Variants in STK32B observed in about 807,000 individuals in gnomAD.
STK32B encodes serine/threonine kinase 32B.
STK32B carries 43 observed loss-of-function variants against 52.6 expected under a neutral mutation model. The ratio of observed to expected loss-of-function variants is 0.82; its 90% CI spans 0.64 to 1.05. The LOEUF is 1.05. Among genes scored for constraint, STK32B ranks in the 50% least tolerant of loss-of-function variants. The pLI is 0.00. For missense variants in STK32B, 621 were observed against 534.6 expected (o/e 1.16, Z -1.59); for synonymous variants, 238 against 204.3 (o/e 1.17, Z -1.41).
intron 1 of STK32B, among the ~76,000 whole-genome samples, chr4:5,097,148 T>A (rs188958250): frequency 3.6e-4 from 55 of 152,352 alleles, no homozygotes; most frequent in African/African-American, 1.2e-3. Flanking sequence ...TGTACTTTCT[T>A]GCCCATGGTA....
At chr4:5,236,102 A>C (rs1724614288) in intron 3 of STK32B, among the ~76,000 whole-genome samples, 1 of 152,176 alleles carries the variant, frequency 6.6e-6, no homozygotes, top group Non-Finnish European at 1.5e-5. Context: ...ATTATGGTGC[A>C]TTGGTGGCAG....
chr4:5,460,262 C>G lies in STK32B; in HGVS notation c.909+34C>G, dbSNP rs771723453. 2.5e-6 allele frequency: 4 copies of G among 1,589,612 alleles called. No homozygotes were observed. In the South Asian group the frequency reaches 4.6e-5, roughly 18 times the overall value. ...AAGTCCCACCTGATGTCATGCCACC[C>G]CTCTGCAGGGTCCCCGCCTTGGTGC... On this transcript the variant is annotated intron_variant, in intron 9 of 11. Transcript: ENST00000282908. This position sits in a 1 kb window ranked among gnomAD's most constrained non-coding sequence, Gnocchi z 4.8.
At chr4:5,387,361 T>C (rs2109030964) in intron 4 of STK32B, among the ~76,000 whole-genome samples, 1 of 152,248 alleles carries the variant, frequency 6.6e-6, no homozygotes, top group African/African-American at 2.4e-5. Flanking sequence ...CAGCACCTAC[T>C]GGGAAGGACA....
intron 3 of STK32B, among the ~76,000 whole-genome samples, chr4:5,217,294 T>C (rs948137844): frequency 5.9e-5 from 9 of 152,246 alleles, no homozygotes; most frequent in Non-Finnish European, 1.2e-4. Context: ...ACCACTGACC[T>C]GTAGAACTGA....
upstream of STK32B, among the ~76,000 whole-genome samples, chr4:5,049,812 C>G (rs890919383): frequency 4.6e-5 from 7 of 152,094 alleles, no homozygotes; most frequent in East Asian, 1.9e-4. Context: ...GTCTCAAACT[C>G]TTGACTTCAG....
At chr4:5,073,609 T>C (rs767548916) in intron 1 of STK32B, among the ~76,000 whole-genome samples, 1 of 152,026 alleles carries the variant, frequency 6.6e-6, no homozygotes, top group African/African-American at 2.4e-5. Context: ...TTTTATCATA[T>C]ATCATTTGTC....
intron 1 of STK32B, among the ~76,000 whole-genome samples, chr4:5,097,638 C>T (rs1713475499): frequency 6.6e-6 from 1 of 152,170 alleles, no homozygotes; most frequent in Non-Finnish European, 1.5e-5. Context: ...TAGTCTCTAA[C>T]TTGGGTGACT....
chr4:5,078,374 C>G (rs1355114334), intron 1 of STK32B, among the ~76,000 whole-genome samples: 1 of 151,992 alleles, frequency 6.6e-6, no homozygotes, highest in Non-Finnish European at 1.5e-5. Flanking sequence ...GTCTGTTAGC[C>G]TGAAAAAACA....
chr4:5,229,187 G>A (rs1047542216), intron 3 of STK32B, among the ~76,000 whole-genome samples: 12 of 150,228 alleles, frequency 8.0e-5, no homozygotes, highest in African/African-American at 2.7e-4. Flanking sequence ...TGCAATATCT[G>A]CAAAGAACAA....
chr4:5,206,091 C>T (rs1722558978), intron 3 of STK32B, among the ~76,000 whole-genome samples: 1 of 152,102 alleles, frequency 6.6e-6, no homozygotes, highest in African/African-American at 2.4e-5. Flanking sequence ...CTAGAGTGTC[C>T]CCTTTGCTAT....
intron 1 of STK32B, among the ~76,000 whole-genome samples, chr4:5,083,736 A>AG (rs1042178611): frequency 2.1e-5 from 3 of 139,910 alleles, no homozygotes; most frequent in African/African-American, 7.7e-5. Flanking sequence ...CTCTTCTGTT[A>AG]CCTATTTTTT....
chr4:5,417,167 C>A (rs1017261534), intron 6 of STK32B, among the ~76,000 whole-genome samples: 1 of 152,198 alleles, frequency 6.6e-6, no homozygotes, highest in Non-Finnish European at 1.5e-5. Flanking sequence ...TCCTGCTCAG[C>A]CAGAGAGCCA....
In STK32B at chr4:5,176,106, C is replaced by T. The variant is rs552542986; in HGVS notation, c.260+7656C>T. Among the ~76,000 whole-genome samples the T allele has an allele frequency of 6.6e-5, 10 of 152,290 alleles. No individual in the cohort carries two copies. In the South Asian group the frequency reaches 8.3e-4, roughly 13 times the overall value. ...GGTGTAGGACCCTCTGAGCCATGTGCGGGATATAATCTCCTGGTGTGCCGT... is the reference window on the plus strand; with the variant it reads ...GGTGTAGGACCCTCTGAGCCATGTGTGGGATATAATCTCCTGGTGTGCCGT... On this transcript the variant is annotated intron_variant, in intron 3 of 11. Transcript: ENST00000282908.
chr4:5,390,153 G>T (rs1301603140), intron 4 of STK32B, among the ~76,000 whole-genome samples: 2 of 152,240 alleles, frequency 1.3e-5, no homozygotes, highest in African/African-American at 2.4e-5. Context: ...ATTTGTAGTG[G>T]TTGTTACTGC....
chr4:5,169,031 T>C (rs1719119789), intron 3 of STK32B, among the ~76,000 whole-genome samples: 2 of 152,206 alleles, frequency 1.3e-5, no homozygotes, highest in African/African-American at 4.8e-5. Flanking sequence ...GTGTGAAATA[T>C]CTTCCTAAAA....
chr4:5,458,221 T>C (rs1300894457), intron 8 of STK32B, among the ~76,000 whole-genome samples: 1 of 152,178 alleles, frequency 6.6e-6, no homozygotes, highest in Non-Finnish European at 1.5e-5. Context: ...GGGCGGGAGA[T>C]CTTGGTGCCC....
intron 3 of STK32B, among the ~76,000 whole-genome samples, chr4:5,209,156 C>G (rs1273492715): frequency 6.6e-6 from 1 of 152,178 alleles, no homozygotes; most frequent in South Asian, 2.1e-4. Context: ...AACATATTAA[C>G]AGTAGGGTGG....
At chr4:5,372,724 G>GC (rs1016865088) in intron 4 of STK32B, among the ~76,000 whole-genome samples, 2 of 150,444 alleles carry the variant, frequency 1.3e-5, no homozygotes, top group African/African-American at 2.5e-5. Context: ...GAAAGTTGGG[G>GC]GGGGGGGCGG....
At chr4:5,147,937 T>A (rs554351026) in intron 2 of STK32B, among the ~76,000 whole-genome samples, 3 of 152,096 alleles carry the variant, frequency 2.0e-5, no homozygotes, top group Admixed American at 2.0e-4. Context: ...TCAGTCATTT[T>A]CCTTCTCTGT....
Sources: gnomAD v4.1 joint callset for allele counts (sites outside exome capture counted in the v4.1 genomes callset) on GRCh38, gnomAD v4.1.1 for gene constraint, Gnocchi (gnomAD v3.1) non-coding constraint, MANE v1.5 for transcripts, NCBI Gene and HGNC (gene_info 2026-07-23, HGNC 2026-07-21) for gene names.